Variants in PRTFDC1 observed in about 807,000 individuals in gnomAD.
PRTFDC1 encodes the protein phosphoribosyltransferase domain-containing protein 1.
Under a neutral mutation model 34.6 loss-of-function variants are expected in PRTFDC1, and 38 were observed. The ratio of observed to expected loss-of-function variants is 1.10; its 90% CI spans 0.85 to 1.44. The LOEUF is 1.44. Ranked by LOEUF, PRTFDC1 falls within the 40% of genes most tolerant of loss-of-function variation. The pLI is 0.00. For missense variants in PRTFDC1, 270 were observed against 283.0 expected (o/e 0.95, Z 0.33); for synonymous variants, 93 against 98.1 (o/e 0.95, Z 0.31).
chr10:24,926,534 A>G (rs773270396), intron 3 of PRTFDC1, among the ~76,000 whole-genome samples: 1 of 152,172 alleles, frequency 6.6e-6, no homozygotes, highest in South Asian at 2.1e-4. Flanking sequence ...TTTTCAGTAG[A>G]GCTGGCATTT....
chr10:24,933,522 C>A (rs192963834), intron 3 of PRTFDC1, among the ~76,000 whole-genome samples: 52 of 152,062 alleles, frequency 3.4e-4, no homozygotes, highest in Non-Finnish European at 6.8e-4. Flanking sequence ...TAGGGAAATG[C>A]AAATTAAACC....
chr10:24,898,835 C>T (rs118011820), intron 3 of PRTFDC1, among the ~76,000 whole-genome samples: 2 of 152,294 alleles, frequency 1.3e-5, no homozygotes, highest in African/African-American at 4.8e-5. Context: ...CAAATTCACA[C>T]ATTAAAATCC....
intron 3 of PRTFDC1, among the ~76,000 whole-genome samples, chr10:24,887,507 T>C (rs888881319): frequency 2.6e-5 from 4 of 152,070 alleles, no homozygotes; most frequent in Non-Finnish European, 5.9e-5. Context: ...GCTGCCACCA[T>C]GTGAAGAAGG....
intron 3 of PRTFDC1, among the ~76,000 whole-genome samples, chr10:24,879,180 T>C (rs529614872): frequency 6.6e-6 from 1 of 152,288 alleles, no homozygotes; most frequent in Admixed American, 6.5e-5. Flanking sequence ...ATTCCTCGTT[T>C]TCCAATCACT....
At chr10:24,918,609 C>A (rs1333136192) in intron 3 of PRTFDC1, among the ~76,000 whole-genome samples, 1 of 151,800 alleles carries the variant, frequency 6.6e-6, no homozygotes, top group Non-Finnish European at 1.5e-5. Flanking sequence ...GAGACTAGGT[C>A]TCACTATGTT....
At chr10:24,852,148 A>G (rs555725622) in intron 7 of PRTFDC1, among the ~76,000 whole-genome samples, 4 of 151,958 alleles carry the variant, frequency 2.6e-5, no homozygotes, top group Non-Finnish European at 4.4e-5. Context: ...GCAAAAGAAG[A>G]TTCATTGAAA....
intron 3 of PRTFDC1, among the ~76,000 whole-genome samples, chr10:24,884,858 C>T (rs945940214): frequency 6.6e-6 from 1 of 152,162 alleles, no homozygotes; most frequent in Admixed American, 6.5e-5. Context: ...GCCCCTGGCT[C>T]AGAAGGTATA....
intron 3 of PRTFDC1, among the ~76,000 whole-genome samples, chr10:24,915,958 T>C (rs1196199652): frequency 6.6e-6 from 1 of 152,172 alleles, no homozygotes; most frequent in Non-Finnish European, 1.5e-5. Context: ...AACTCCAGAC[T>C]GGTATATCCA....
At chr10:24,941,056 GTGTGTT>G (rs1043329961) in intron 2 of PRTFDC1, among the ~76,000 whole-genome samples, 15 of 151,706 alleles carry the variant, frequency 9.9e-5, no homozygotes, top group Admixed American at 5.3e-4. Context: ...GTGTGTGTGT[GTGTGTT>G]TGTGTGTTTG....
intron 3 of PRTFDC1, among the ~76,000 whole-genome samples, chr10:24,929,047 A>AG (rs1848928648): frequency 8.7e-6 from 1 of 115,354 alleles, no homozygotes; most frequent in South Asian, 3.2e-4. Context: ...TCTCAAAAAA[A>AG]AAAAAAAAGA....
intron 3 of PRTFDC1, among the ~76,000 whole-genome samples, chr10:24,895,142 C>G (rs77979359): frequency 6.6e-6 from 1 of 151,976 alleles, no homozygotes; most frequent in Non-Finnish European, 1.5e-5. Flanking sequence ...AAAACTGAGG[C>G]CTGAGGAAGT....
chr10:24,890,228 G>A (rs1848236967), intron 3 of PRTFDC1, among the ~76,000 whole-genome samples: 1 of 152,200 alleles, frequency 6.6e-6, no homozygotes, highest in Non-Finnish European at 1.5e-5. Context: ...AGAAATGTGA[G>A]GTTCGATATC....
intron 7 of PRTFDC1, among the ~76,000 whole-genome samples, chr10:24,852,154 T>A (rs1251646684): frequency 6.6e-6 from 1 of 151,948 alleles, no homozygotes; most frequent in African/African-American, 2.4e-5. Context: ...GAAGATTCAT[T>A]GAAAAGATGA....
At chr10:24,872,209 G>A (rs1312777148) in intron 3 of PRTFDC1, 146 bp from the exon 4 acceptor site, 3 of 677,934 alleles carry the variant, frequency 4.4e-6, no homozygotes, top group African/African-American at 3.6e-5. Flanking sequence ...GTTGCCTATG[G>A]TTACCAAGAG....
At chr10:24,915,452 C>G (rs1247679571) in intron 3 of PRTFDC1, among the ~76,000 whole-genome samples, 1 of 152,152 alleles carries the variant, frequency 6.6e-6, no homozygotes, top group African/African-American at 2.4e-5. Context: ...TTCCATATCC[C>G]TATAGGCAAT....
At chr10:24,853,232 C>G (rs570039923) in intron 7 of PRTFDC1, among the ~76,000 whole-genome samples, 166 of 152,122 alleles carry the variant, frequency 1.1e-3, no homozygotes, top group Non-Finnish European at 2.0e-3. Context: ...GCAGTCCCAG[C>G]TATTCAAGAG....
intron 4 of PRTFDC1, among the ~76,000 whole-genome samples, chr10:24,860,398 AT>A (rs1372228804): frequency 3.9e-5 from 6 of 152,078 alleles, no homozygotes; most frequent in African/African-American, 1.2e-4. Flanking sequence ...AAAAAGAAAA[AT>A]CAGATCAAAT....
chr10:24,888,684 T>C (rs1267721843), intron 3 of PRTFDC1, among the ~76,000 whole-genome samples: 1 of 152,222 alleles, frequency 6.6e-6, no homozygotes, highest in Non-Finnish European at 1.5e-5. Context: ...TGGGTTCACA[T>C]TTTCTATACA....
chr10:24,896,800 G>T (rs61854289), intron 3 of PRTFDC1, among the ~76,000 whole-genome samples: 4 of 152,238 alleles, frequency 2.6e-5, no homozygotes, highest in South Asian at 4.1e-4. Context: ...TGAAAAGGCC[G>T]TGTGTACCTT....
Sources: gnomAD v4.1 joint callset for allele counts (sites outside exome capture counted in the v4.1 genomes callset) on GRCh38, gnomAD v4.1.1 for gene constraint, MANE v1.5 for transcripts, NCBI Gene and HGNC (gene_info 2026-07-23, HGNC 2026-07-21) for gene names.